PRKDC: variants seen among roughly 807,000 people sequenced by gnomAD.
PRKDC encodes protein kinase, DNA-activated, catalytic subunit, also known as DNA-dependent protein kinase catalytic subunit.
A neutral mutation model predicts 486.9 loss-of-function variants in PRKDC; 82 were observed. The observed-to-expected ratio is 0.17, with a 90% CI of 0.14 to 0.20. The LOEUF is 0.20. PRKDC is among the 10% of genes least tolerant of loss of function. The pLI is 1.00. For missense variants in PRKDC, 4,504 were observed against 5,038.2 expected, an observed-to-expected ratio of 0.89 and a Z score of 3.21; for synonymous variants, 1,895 against 1,837.0, an observed-to-expected ratio of 1.03 and a Z score of -0.81.
intron 11 of PRKDC, among the ~76,000 whole-genome samples, chr8:47,937,552 C>T (rs2154503861): frequency 6.6e-6 from 1 of 152,298 alleles, no homozygotes; most frequent in Middle Eastern, 3.4e-3. Context: ...AATGTAATTG[C>T]TCAATTTCAG....
chr8:47,785,430 T>C (rs1468649794), intron 76 of PRKDC, 113 bp from the exon 77 acceptor site: 1 of 879,338 alleles, frequency 1.1e-6, no homozygotes, highest in South Asian at 1.6e-5. Context: ...GTTTCTTCTC[T>C]GCTTTTAAGA....
At chr8:47,921,080 C>T (rs2090062373) in intron 21 of PRKDC, among the ~76,000 whole-genome samples, 2 of 151,940 alleles carry the variant, frequency 1.3e-5, no homozygotes, top group South Asian at 2.1e-4. Flanking sequence ...GGTGAAACCC[C>T]CATCTCTACT....
intron 54 of PRKDC, among the ~76,000 whole-genome samples, chr8:47,841,557 G>A (rs2088145121): frequency 6.6e-6 from 1 of 152,196 alleles, no homozygotes; most frequent in Non-Finnish European, 1.5e-5. Flanking sequence ...GGGGACAGAG[G>A]ACAAAGCTGT....
Position 47,800,865 on chromosome 8 carries a change from AAGGC to A in PRKDC, c.10040_10043del (p.Cys3347LeufsTer13). On this transcript the variant is annotated frameshift_variant, in exon 71 of 86. Transcript: ENST00000314191. LOFTEE classifies it high-confidence loss of function. ...TAGCCTTGTCCTCCTCGATTTCAGCAAGGCAGGCTGGCTCACTGCTGAGAGCATT... is the reference window on the plus strand; with the variant it reads ...TAGCCTTGTCCTCCTCGATTTCAGCAAGGCTGGCTCACTGCTGAGAGCATT... The A allele has an allele frequency of 6.2e-7, 1 of 1,613,634 alleles. No individual in the cohort carries two copies.
intron 7 of PRKDC, among the ~76,000 whole-genome samples, chr8:47,944,752 C>T (rs536362898): frequency 1.3e-5 from 2 of 152,182 alleles, no homozygotes; most frequent in Non-Finnish European, 2.9e-5. Flanking sequence ...CTAACAGTGA[C>T]TTGTAATCAG....
intron 7 of PRKDC, among the ~76,000 whole-genome samples, chr8:47,950,008 T>C (rs747565048): frequency 3.0e-4 from 46 of 152,218 alleles, no homozygotes; most frequent in Admixed American, 2.0e-3. Flanking sequence ...TGGTGGCTCA[T>C]GCCTTGTAAT....
chr8:47,949,473 A>C (rs890981676), intron 7 of PRKDC, among the ~76,000 whole-genome samples: 2 of 152,208 alleles, frequency 1.3e-5, no homozygotes, highest in East Asian at 3.9e-4. Flanking sequence ...TTAACACACA[A>C]TAAATGAGCA....
chr8:47,795,636 A>G (rs114989704), intron 73 of PRKDC, among the ~76,000 whole-genome samples: 3,971 of 150,814 alleles, frequency 0.026, 156 homozygotes, highest in African/African-American at 0.083. Context: ...TGGGATTACA[A>G]ACACTCGTCA....
intron 28 of PRKDC, among the ~76,000 whole-genome samples, chr8:47,899,077 G>T (rs2089634545): frequency 6.6e-6 from 1 of 152,212 alleles, no homozygotes; most frequent in Non-Finnish European, 1.5e-5. Context: ...AGGTAAGATG[G>T]TGAAGTCACT....
At chr8:47,871,122 T>C (rs1161850421) in intron 40 of PRKDC, among the ~76,000 whole-genome samples, 1 of 152,196 alleles carries the variant, frequency 6.6e-6, no homozygotes, top group Admixed American at 6.5e-5. Flanking sequence ...AAAGACTTAC[T>C]GGTCTTAAAG....
chr8:47,861,585 T>C lies in PRKDC; in HGVS notation c.5985+477A>G, dbSNP rs539754208. ...TGCCCACCTTCCCATTTCCAATGGG[T>C]GCTGAAGGCAGCAACCACCACATTC... is the stretch of plus-strand genomic sequence containing the variant. On this transcript the variant is annotated intron_variant, in intron 44 of 85. Transcript: ENST00000314191. 1.8e-4 allele frequency among the ~76,000 whole-genome samples: 27 copies of C among 152,304 alleles called. No individual in the cohort carries two copies. In the East Asian group the frequency reaches 5.0e-3, roughly 28 times the overall value.
chr8:47,779,030 A>G lies in PRKDC; in HGVS notation c.11553T>C (p.Asp3851=), dbSNP rs1352829882. 9 of 1,601,338 alleles carry G rather than the reference A, an allele frequency of 5.6e-6. No homozygotes were observed. Among genetic ancestry groups the G allele is most frequent in the Non-Finnish European group, 7.7e-6 (9 of 1,173,394 alleles). ...DWLTKMSGKH[D]VGAYMLMYKG... ...TATACATTAGCATGTAAGCTCCAAC[A>G]TCATGTTTTCCTGACATTTTTGTCA... is the stretch of plus-strand genomic sequence containing the variant. Residue 3851 remains aspartate, a synonymous_variant, in exon 81 of 86, where the codon GAT becomes GAC. Transcript: ENST00000314191.
At chr8:47,879,452 A>G in intron 39 of PRKDC, 39 bp downstream of exon 39, 1 of 1,483,452 alleles carries the variant, frequency 6.7e-7, no homozygotes. Context: ...GAAAAAAAAA[A>G]CAGTGTTTTA....
At chr8:47,802,572 T>G (rs1414619729) in intron 70 of PRKDC, among the ~76,000 whole-genome samples, 2 of 149,238 alleles carry the variant, frequency 1.3e-5, no homozygotes, top group African/African-American at 4.9e-5. Context: ...AACCTCCGCC[T>G]CCCAGGTTCA....
At chr8:47,948,742 G>A (rs948925450) in intron 7 of PRKDC, among the ~76,000 whole-genome samples, 11 of 151,786 alleles carry the variant, frequency 7.2e-5, no homozygotes, top group Non-Finnish European at 1.5e-4. Context: ...GATTACAGGC[G>A]TGAGCCACCG....
intron 45 of PRKDC, among the ~76,000 whole-genome samples, chr8:47,860,686 T>A (rs888508189): frequency 2.0e-5 from 3 of 152,262 alleles, no homozygotes; most frequent in Non-Finnish European, 4.4e-5. Context: ...GACCTTTCTA[T>A]GCAGCTAAGT....
chr8:47,813,296 T>G (rs2087373736), intron 68 of PRKDC, among the ~76,000 whole-genome samples: 1 of 151,914 alleles, frequency 6.6e-6, no homozygotes, highest in Non-Finnish European at 1.5e-5. Flanking sequence ...TTTTGTATTT[T>G]TAGTAGAGGC....
At chr8:47,873,772 C>T (rs941847930) in intron 40 of PRKDC, among the ~76,000 whole-genome samples, 8 of 152,074 alleles carry the variant, frequency 5.3e-5, no homozygotes, top group East Asian at 1.9e-4. Context: ...ACAATCTTTG[C>T]GCGTTCTCAC....
intron 68 of PRKDC, among the ~76,000 whole-genome samples, chr8:47,813,134 T>TA (rs60635930): frequency 4.7e-5 from 7 of 149,650 alleles, no homozygotes; most frequent in Admixed American, 2.0e-4. Context: ...TTTATTTATT[T>TA]TGAGACAGAA....
Sources: allele counts gnomAD v4.1 joint callset (sites outside exome capture counted in the v4.1 genomes callset), GRCh38; gene constraint gnomAD v4.1.1; transcripts MANE v1.5; gene names NCBI Gene and HGNC (gene_info 2026-07-23, HGNC 2026-07-21).